Variants in ZNF100 observed in about 807,000 individuals in gnomAD.
ZNF100 encodes zinc finger protein 100.
ZNF100 carries 12 observed loss-of-function variants against 15.8 expected under a neutral mutation model. That is an observed-to-expected ratio of 0.76 (90% CI 0.49 to 1.23). The LOEUF (loss-of-function observed/expected upper bound fraction) is 1.23. Ranked by LOEUF, ZNF100 falls within the 50% of genes most tolerant of loss-of-function variation. The pLI is 0.00. For synonymous variants in ZNF100, 226 were observed against 214.8 expected (o/e 1.05, Z -0.45); for missense variants, 670 against 635.6 (o/e 1.05, Z -0.58).
rs2035772881 is a variant in ZNF100, at chr19:21,725,886, A to T, written c.*797T>A. On this transcript the variant is annotated 3_prime_UTR_variant, in exon 5 of 5. Coordinates refer to ENST00000358296, the MANE Select transcript of ZNF100 (RefSeq NM_173531.4). The stretch of plus-strand genomic sequence containing the variant: ...GATATTTACAGACTTAATGATTAAA[A>T]TTTTTAAAAAATTTTTCCTGTATCT... 1 of 151,222 alleles carries T rather than the reference A, an allele frequency of 6.6e-6. No homozygotes were observed. Among genetic ancestry groups the T allele is most frequent in the African/African-American group, 2.4e-5 (1 of 40,924 alleles). The allele number at this position is 151,222 out of a possible 1,614,324, so 9.4% of individuals were successfully genotyped here.
chr19:21,749,277 T>C (rs749684624), intron 2 of ZNF100, among the ~76,000 whole-genome samples: 2 of 150,194 alleles, frequency 1.3e-5, no homozygotes, highest in East Asian at 3.9e-4. Flanking sequence ...TTATCTCTTG[T>C]ATGAGTATGA....
chr19:21,750,595 AAC>A (rs2036286018), intron 2 of ZNF100: 1 of 164,842 alleles, frequency 6.1e-6, no homozygotes, highest in Non-Finnish European at 1.3e-5. Context: ...GAAAGAGAAA[AAC>A]ACATAATTAT....
intron 2 of ZNF100, among the ~76,000 whole-genome samples, chr19:21,754,236 CA>C (rs79087603): frequency 6.2e-5 from 9 of 146,050 alleles, no homozygotes; most frequent in African/African-American, 1.5e-4. Flanking sequence ...TCTACCACCT[CA>C]AAAAAAAAAC....
In ZNF100 at chr19:21,725,532, TATAA is replaced by T. The variant is rs1223871938; in HGVS notation, c.*1147_*1150del. The T allele has an allele frequency of 6.6e-6, 1 of 152,150 alleles. No homozygotes were observed. Among genetic ancestry groups the T allele is most frequent in the East Asian group, 1.9e-4 (1 of 5,198 alleles). The allele number at this position is 152,150 out of a possible 1,614,324, so 9.4% of individuals were successfully genotyped here. A position where few individuals can be genotyped will look rare whatever the true frequency, so the allele number is the denominator to read the frequency against. ...TTAATGTCTTTTTCATAGCAAAGTTTATAAATAATGCTCACCTAATAAAAAAGAA... is the reference window on the plus strand; with the variant it reads ...TTAATGTCTTTTTCATAGCAAAGTTTATAATGCTCACCTAATAAAAAAGAA... On this transcript the variant is annotated 3_prime_UTR_variant, in exon 5 of 5. Transcript: ENST00000358296.
chr19:21,767,562 A>AT lies in ZNF100; in HGVS notation c.-134_-133insA. 2 of 1,382,724 alleles carry AT rather than the reference A, an allele frequency of 1.4e-6. No homozygotes were observed. The highest frequency in any genetic ancestry group is 2.7e-5 in the South Asian group (2 of 73,942). The allele number at this position is 1,382,724 out of a possible 1,614,324, so 85.7% of individuals were successfully genotyped here. A position where few individuals can be genotyped will look rare whatever the true frequency, so the allele number is the denominator to read the frequency against. Reference sequence around the variant, plus strand: ...GAGAGCAAAACCTGGAGCTCCGGCTACAGCGAGAGACAAAGACCCCGCCAA... The same window carrying AT: ...GAGAGCAAAACCTGGAGCTCCGGCTATCAGCGAGAGACAAAGACCCCGCCAA... On this transcript the variant is annotated 5_prime_UTR_variant, in exon 1 of 5. Coordinates refer to ENST00000358296, the MANE Select transcript of ZNF100 (RefSeq NM_173531.4).
At chr19:21,763,541 G>A (rs537506749) in intron 2 of ZNF100, among the ~76,000 whole-genome samples, 1 of 152,282 alleles carries the variant, frequency 6.6e-6, no homozygotes, top group South Asian at 2.1e-4. Flanking sequence ...AGTGAGCCGA[G>A]ATTGCACCAC....
chr19:21,742,672 TGAA>T (rs1453275084), intron 4 of ZNF100, among the ~76,000 whole-genome samples: 3 of 151,872 alleles, frequency 2.0e-5, no homozygotes, highest in Admixed American at 6.6e-5. Context: ...CCACTGAAAT[TGAA>T]GAAAAATAAG....
chr19:21,763,021 A>G (rs929650564), intron 2 of ZNF100, among the ~76,000 whole-genome samples: 1 of 152,230 alleles, frequency 6.6e-6, no homozygotes, highest in African/African-American at 2.4e-5. Context: ...CCATGGAAAC[A>G]TCAGGCAGTT....
intron 2 of ZNF100, among the ~76,000 whole-genome samples, chr19:21,745,488 G>T (rs2036195817): frequency 6.6e-6 from 1 of 151,806 alleles, no homozygotes; most frequent in South Asian, 2.1e-4. Flanking sequence ...AGAAGATCTG[G>T]AATGAAGTCT....
At position 21,727,449 on chromosome 19, in the gene ZNF100, G is replaced by A. The variant is rs772201200; in HGVS notation, c.863C>T (p.Pro288Leu). Reference protein sequence around the residue: ...THKIIHTGEKPYRCEECGKAF... With the variant: ...THKIIHTGEKLYRCEECGKAF... ...TTTCCCACATTCTTCACATCTGTAT[G>A]GTTTCTCTCCAGTATGAATTATCTT... Residue 288 changes from proline to leucine, a missense_variant, in exon 5 of 5, where the codon CCA (proline) becomes CTA (leucine). Coordinates refer to ENST00000358296, the MANE Select transcript of ZNF100 (RefSeq NM_173531.4). 26 of 1,613,052 alleles carry A rather than the reference G, an allele frequency of 1.6e-5. No individual in the cohort carries two copies. In the South Asian group the frequency reaches 2.7e-4, roughly 17 times the overall value.
intron 2 of ZNF100, among the ~76,000 whole-genome samples, chr19:21,750,251 A>G (rs2036279626): frequency 6.6e-6 from 1 of 152,230 alleles, no homozygotes; most frequent in Admixed American, 6.5e-5. Flanking sequence ...ACAAATTTAC[A>G]GATTAATTCT....
chr19:21,745,890 A>C (rs2036205640), intron 2 of ZNF100, among the ~76,000 whole-genome samples: 1 of 152,218 alleles, frequency 6.6e-6, no homozygotes, highest in South Asian at 2.1e-4. Flanking sequence ...AAATTCTGTG[A>C]AACATCCAGT....
At chr19:21,730,988 T>C (rs1487337777) in intron 4 of ZNF100, among the ~76,000 whole-genome samples, 1 of 152,124 alleles carries the variant, frequency 6.6e-6, no homozygotes, top group African/African-American at 2.4e-5. Context: ...AAATTTCTCA[T>C]TGCATTTTTG....
chr19:21,740,635 A>C (rs2036091605), intron 4 of ZNF100, among the ~76,000 whole-genome samples: 1 of 152,204 alleles, frequency 6.6e-6, no homozygotes, highest in South Asian at 2.1e-4. Context: ...TGGGCGGATC[A>C]CCTGAGGTCA....
chr19:21,736,013 C>T (rs2036002621), intron 4 of ZNF100, among the ~76,000 whole-genome samples: 1 of 152,166 alleles, frequency 6.6e-6, no homozygotes, highest in Admixed American at 6.5e-5. Context: ...TGGTCTCGAT[C>T]TCCCGACCTC....
At chr19:21,745,517 C>CTTT (rs748619557) in intron 2 of ZNF100, among the ~76,000 whole-genome samples, 2 of 142,664 alleles carry the variant, frequency 1.4e-5, no homozygotes, top group African/African-American at 2.6e-5. Context: ...GAATTTCTTT[C>CTTT]TTTTTTTTTT....
At chr19:21,742,187 C>T (rs1413968867) in intron 4 of ZNF100, among the ~76,000 whole-genome samples, 2 of 151,670 alleles carry the variant, frequency 1.3e-5, no homozygotes, top group East Asian at 1.9e-4. Flanking sequence ...TTCCCAGCTA[C>T]TCGGGACGCT....
At chr19:21,731,982 G>A (rs189459307) in intron 4 of ZNF100, among the ~76,000 whole-genome samples, 62 of 152,210 alleles carry the variant, frequency 4.1e-4, no homozygotes, top group African/African-American at 1.3e-3. Context: ...GCCTGGTGCC[G>A]GGACTCACAT....
At chr19:21,738,501 A>G (rs1290570436) in intron 4 of ZNF100, among the ~76,000 whole-genome samples, 1 of 152,124 alleles carries the variant, frequency 6.6e-6, no homozygotes, top group Non-Finnish European at 1.5e-5. Flanking sequence ...GAACTCAGAA[A>G]TAAGACTGCA....
Sources: gnomAD v4.1 joint callset for allele counts (sites outside exome capture counted in the v4.1 genomes callset) on GRCh38, gnomAD v4.1.1 for gene constraint, MANE v1.5 for transcripts, NCBI Gene and HGNC (gene_info 2026-07-23, HGNC 2026-07-21) for gene names.